The following TMEM132C variants were observed in gnomAD, a reference collection of about 807,000 sequenced individuals.
The protein encoded by TMEM132C is protein phosphatase 1, regulatory subunit 152.
TMEM132C carries 29 observed loss-of-function variants against 61.4 expected under a neutral mutation model. The ratio of observed to expected loss-of-function variants is 0.47; its 90% CI spans 0.35 to 0.64. TMEM132C has a LOEUF of 0.64. Ranked by LOEUF, TMEM132C falls within the 30% of genes least tolerant of loss-of-function variation. The probability of loss-of-function intolerance (pLI) is 0.00; values close to 1 mark genes in which losing one functional copy is unlikely to be tolerated. For synonymous variants in TMEM132C, 656 were observed against 633.1 expected (o/e 1.04, Z -0.54); for missense variants, 1,408 against 1,476.9 (o/e 0.95, Z 0.76).
intron 4 of TMEM132C, among the ~76,000 whole-genome samples, chr12:128,666,056 G>C (rs1593141149): frequency 1.2e-5 from 1 of 82,338 alleles, no homozygotes; most frequent in African/African-American, 7.4e-5. Flanking sequence ...CACAAACACA[G>C]GCACTCATAC....
intron 3 of TMEM132C, among the ~76,000 whole-genome samples, chr12:128,613,721 C>T (rs917393516): frequency 4.6e-5 from 7 of 152,112 alleles, no homozygotes; most frequent in African/African-American, 1.2e-4. Context: ...GTAACCTTCC[C>T]GTTATATCCT....
intron 3 of TMEM132C, among the ~76,000 whole-genome samples, chr12:128,574,137 G>A (rs972211235): frequency 6.6e-6 from 1 of 152,284 alleles, no homozygotes; most frequent in South Asian, 2.1e-4. Context: ...GGGCCAGAAC[G>A]CCACTTCCTT....
intron 3 of TMEM132C, among the ~76,000 whole-genome samples, chr12:128,611,412 C>T (rs1273580392): frequency 6.6e-6 from 1 of 152,014 alleles, no homozygotes; most frequent in Non-Finnish European, 1.5e-5. Context: ...TTGTTGGAGG[C>T]CTAATGTTGA....
intron 1 of TMEM132C, among the ~76,000 whole-genome samples, chr12:128,406,549 C>T (rs899750096): frequency 2.6e-5 from 4 of 152,070 alleles, no homozygotes; most frequent in African/African-American, 9.7e-5. Flanking sequence ...GGGAGGCTTC[C>T]TATTAATAGA....
chr12:128,645,388 C>T (rs989706007), intron 4 of TMEM132C, among the ~76,000 whole-genome samples: 1 of 152,168 alleles, frequency 6.6e-6, no homozygotes, highest in Non-Finnish European at 1.5e-5. Context: ...CCTACCAAGA[C>T]GTGGAGAAGC....
intron 2 of TMEM132C, among the ~76,000 whole-genome samples, chr12:128,519,528 A>AG (rs1403926797): frequency 1.3e-5 from 2 of 152,214 alleles, no homozygotes; most frequent in African/African-American, 4.8e-5. Context: ...AAAGGAAAAA[A>AG]TGGCCCTTCC....
At chr12:128,412,047 A>T (rs1327573414) in intron 1 of TMEM132C, among the ~76,000 whole-genome samples, 1 of 152,190 alleles carries the variant, frequency 6.6e-6, no homozygotes, top group Non-Finnish European at 1.5e-5. Context: ...ATGTTTGTCT[A>T]TGATTCTCTG....
chr12:128,335,060 A>T (rs1213648071), intron 1 of TMEM132C, among the ~76,000 whole-genome samples: 1 of 152,166 alleles, frequency 6.6e-6, no homozygotes, highest in African/African-American at 2.4e-5. Flanking sequence ...ATAGATTGCA[A>T]AAGTTACAGG....
At chr12:128,501,132 T>G (rs1872162620) in intron 2 of TMEM132C, among the ~76,000 whole-genome samples, 1 of 152,178 alleles carries the variant, frequency 6.6e-6, no homozygotes, top group Non-Finnish European at 1.5e-5. Flanking sequence ...ATACCTTCAC[T>G]TCCATAGCTC....
At chr12:128,689,659 T>C (rs1954704077) in intron 5 of TMEM132C, among the ~76,000 whole-genome samples, 1 of 152,224 alleles carries the variant, frequency 6.6e-6, no homozygotes, top group Non-Finnish European at 1.5e-5. Flanking sequence ...AGCAGGTGGA[T>C]ATCCAGAGAC....
chr12:128,415,613 A>G lies in TMEM132C; in HGVS notation c.967A>G (p.Ile323Val), dbSNP rs75048225. ...GAGCAATTCCTCTGTGGACCTCTTC[A>G]TCTTGAGGTAGGTGCCCATGCTTGC... ...ISSNSSVDLF[I>V]LRAKVKKGVN... is the part of the protein sequence containing the mutation. The change falls in exon 2 of 9, where the codon ATC becomes GTC. Residue 323 changes from isoleucine to valine, a missense_variant. Coordinates refer to ENST00000435159, the MANE Select transcript of TMEM132C (RefSeq NM_001136103.3). This position sits in a 1 kb window ranked among gnomAD's most constrained non-coding sequence, Gnocchi z 5.8. 7.1e-4 allele frequency: 1,086 copies of G among 1,525,752 alleles called. 8 individuals are homozygous for G. In the African/African-American group the frequency reaches 0.011, roughly 16 times the overall value. The allele number at this position is 1,525,752 out of a possible 1,614,324, so 94.5% of individuals were successfully genotyped here.
chr12:128,482,257 G>A (rs1057407987), intron 2 of TMEM132C, among the ~76,000 whole-genome samples: 1 of 152,228 alleles, frequency 6.6e-6, no homozygotes, highest in South Asian at 2.1e-4. Flanking sequence ...CTTGATCGTG[G>A]TGGATAAGCT....
Position 128,706,789 on chromosome 12 carries a change from A to G in TMEM132C, c.*494A>G, listed in dbSNP as rs1954844274. ...GTCACCACACAGCTGGGGGGGAGTCATTTCTTAACAAGGGATGCCTCTTGG... is the reference window on the plus strand; with the variant it reads ...GTCACCACACAGCTGGGGGGGAGTCGTTTCTTAACAAGGGATGCCTCTTGG... On this transcript the variant is annotated 3_prime_UTR_variant, in exon 9 of 9. Transcript: ENST00000435159. 1 of 152,736 alleles carries G rather than the reference A, an allele frequency of 6.5e-6. No individual in the cohort carries two copies. The highest frequency in any genetic ancestry group is 2.4e-5 in the African/African-American group (1 of 41,472). 9.5% of individuals were successfully genotyped at this position (152,736 alleles called of 1,614,324 possible).
At chr12:128,401,825 A>G (rs548861571) in intron 1 of TMEM132C, among the ~76,000 whole-genome samples, 58 of 152,276 alleles carry the variant, frequency 3.8e-4, no homozygotes, top group African/African-American at 1.3e-3. Context: ...CAGAAAACCT[A>G]GCAGAACTGG....
intron 1 of TMEM132C, among the ~76,000 whole-genome samples, chr12:128,370,475 G>A (rs1267778389): frequency 6.6e-6 from 1 of 151,984 alleles, no homozygotes; most frequent in African/African-American, 2.4e-5. Flanking sequence ...CCAGGGACCA[G>A]CAGCAAAGCA....
intron 5 of TMEM132C, among the ~76,000 whole-genome samples, chr12:128,677,138 A>G (rs1250881186): frequency 6.6e-6 from 1 of 152,208 alleles, no homozygotes; most frequent in Non-Finnish European, 1.5e-5. Context: ...CAAGCTTTAA[A>G]ACATCTTTGA....
chr12:128,313,186 G>A (rs923683655), intron 1 of TMEM132C, among the ~76,000 whole-genome samples: 3 of 152,246 alleles, frequency 2.0e-5, no homozygotes, highest in African/African-American at 4.8e-5. Flanking sequence ...CCATTATGAA[G>A]CCAAATCTCC....
intron 4 of TMEM132C, among the ~76,000 whole-genome samples, chr12:128,667,466 C>T (rs1231267334): frequency 1.3e-5 from 2 of 152,184 alleles, no homozygotes; most frequent in Admixed American, 6.5e-5. Flanking sequence ...AGGAATCCCA[C>T]GGACCCAGGA....
At chr12:128,531,595 A>G (rs1462073141) in intron 2 of TMEM132C, among the ~76,000 whole-genome samples, 1 of 152,220 alleles carries the variant, frequency 6.6e-6, no homozygotes, top group East Asian at 1.9e-4. Context: ...GCACACACAC[A>G]GGCACATACC....
Sources: gnomAD v4.1 joint callset for allele counts (sites outside exome capture counted in the v4.1 genomes callset) on GRCh38, gnomAD v4.1.1 for gene constraint, Gnocchi (gnomAD v3.1) non-coding constraint, MANE v1.5 for transcripts, NCBI Gene and HGNC (gene_info 2026-07-23, HGNC 2026-07-21) for gene names.